EPHA6: variants seen among roughly 807,000 people sequenced by gnomAD.
EPHA6 encodes the protein ephrin type-A receptor 6.
EPHA6 carries 50 observed loss-of-function variants against 112.0 expected under a neutral mutation model. The ratio of observed to expected loss-of-function variants is 0.45; its 90% confidence interval spans 0.36 to 0.56. The LOEUF is 0.56. Among genes scored for constraint, EPHA6 ranks in the 20% least tolerant of loss-of-function variants. EPHA6 has a pLI of 0.00. For missense variants in EPHA6, 1,280 were observed against 1,417.4 expected (o/e 0.90, Z 1.56); for synonymous variants, 529 against 490.7 (o/e 1.08, Z -1.03).
intron 2 of EPHA6, among the ~76,000 whole-genome samples, chr3:96,941,336 C>T (rs188863263): frequency 6.6e-5 from 10 of 152,244 alleles, no homozygotes; most frequent in Non-Finnish European, 1.3e-4. Flanking sequence ...CTTCTCGCTT[C>T]ATTTCATTCA....
At chr3:97,036,103 T>G (rs2045082839) in intron 3 of EPHA6, among the ~76,000 whole-genome samples, 1 of 152,150 alleles carries the variant, frequency 6.6e-6, no homozygotes. Flanking sequence ...TGCCTCGATC[T>G]TGTGCTTCTC....
intron 5 of EPHA6, among the ~76,000 whole-genome samples, chr3:97,399,516 T>G (rs2086868946): frequency 6.6e-6 from 1 of 151,644 alleles, no homozygotes. Flanking sequence ...CTCCATACTA[T>G]TTTTCATAAT....
intron 11 of EPHA6, among the ~76,000 whole-genome samples, chr3:97,538,843 A>G (rs1291951143): frequency 6.6e-6 from 1 of 152,192 alleles, no homozygotes; most frequent in Non-Finnish European, 1.5e-5. Context: ...CACTGCAATC[A>G]GATTCAAAGA....
chr3:97,468,885 C>T (rs1170119701), intron 7 of EPHA6, among the ~76,000 whole-genome samples: 1 of 151,608 alleles, frequency 6.6e-6, no homozygotes, highest in Non-Finnish European at 1.5e-5. Context: ...ACATATTATT[C>T]TGCCCTCAAG....
At chr3:96,822,318 T>C (rs2033323211) in intron 1 of EPHA6, among the ~76,000 whole-genome samples, 3 of 151,926 alleles carry the variant, frequency 2.0e-5, no homozygotes, top group Admixed American at 6.6e-5. Context: ...ATGCTAAGTT[T>C]CCAATTTCAA....
chr3:97,233,760 G>T (rs192560470), intron 4 of EPHA6, among the ~76,000 whole-genome samples: 29 of 152,170 alleles, frequency 1.9e-4, no homozygotes, highest in Non-Finnish European at 2.9e-4. Context: ...GGTGTCAGGG[G>T]TAGAGAGAAA....
Position 96,987,857 on chromosome 3 carries a change from A to G in EPHA6, c.978A>G (p.Val326=), listed in dbSNP as rs377661516. 341 of 1,613,856 alleles carry G rather than the reference A, an allele frequency of 2.1e-4. 5 individuals carry two copies. In the South Asian group the frequency reaches 3.1e-3, roughly 15 times the overall value. Residue 326 remains valine (V), a synonymous_variant, in exon 3 of 18, where the codon GTA becomes GTG. Transcript: ENST00000389672. ...PRVDSSSLVE[V]RGSCVKSAEE... is the part of the protein sequence containing the mutation. ...TTGATTCCTCCTCTTTGGTTGAAGT[A>G]CGGGGTTCTTGTGTGAAGAGTGCTG...
chr3:97,547,351 G>A (rs756044434), intron 11 of EPHA6, among the ~76,000 whole-genome samples: 12 of 152,176 alleles, frequency 7.9e-5, no homozygotes, highest in Admixed American at 2.6e-4. Flanking sequence ...GTCTCCCTGG[G>A]TTTCAGCAGC....
chr3:97,132,520 A>T (rs1234567291), intron 3 of EPHA6, among the ~76,000 whole-genome samples: 2 of 152,040 alleles, frequency 1.3e-5, no homozygotes, highest in East Asian at 3.9e-4. Flanking sequence ...ATGATATTTA[A>T]GGAGTTATTG....
intron 14 of EPHA6, among the ~76,000 whole-genome samples, chr3:97,679,923 T>G (rs2107679254): frequency 6.6e-6 from 1 of 152,310 alleles, no homozygotes; most frequent in African/African-American, 2.4e-5. Context: ...AACCTTTTGC[T>G]TGCCTTACAT....
chr3:96,896,131 T>C (rs780689271), intron 2 of EPHA6, among the ~76,000 whole-genome samples: 18 of 152,292 alleles, frequency 1.2e-4, no homozygotes, highest in African/African-American at 3.8e-4. Context: ...TTTCTAGTAT[T>C]TTTTGCTATC....
At chr3:97,470,514 A>G (rs1023437855) in intron 7 of EPHA6, among the ~76,000 whole-genome samples, 1 of 151,784 alleles carries the variant, frequency 6.6e-6, no homozygotes, top group Non-Finnish European at 1.5e-5. Flanking sequence ...GTAAATATAA[A>G]CTAGAATAAT....
chr3:97,610,688 T>G, intron 12 of EPHA6, 105 bp from the exon 13 acceptor site: 1 of 852,218 alleles, frequency 1.2e-6, no homozygotes, highest in Non-Finnish European at 1.9e-6. Context: ...AAATTCCTAT[T>G]AATAAAATAC....
At chr3:97,020,438 G>C (rs1169237945) in intron 3 of EPHA6, among the ~76,000 whole-genome samples, 1 of 152,214 alleles carries the variant, frequency 6.6e-6, no homozygotes, top group Non-Finnish European at 1.5e-5. Flanking sequence ...GGGCAGTCCA[G>C]TTTACAAAAT....
chr3:97,703,088 C>G (rs757939579), intron 14 of EPHA6, among the ~76,000 whole-genome samples: 5 of 152,068 alleles, frequency 3.3e-5, no homozygotes, highest in African/African-American at 4.8e-5. Context: ...AGCAGTCAGC[C>G]CTCGGGAAGC....
chr3:97,531,165 G>T (rs2092690991), intron 10 of EPHA6, among the ~76,000 whole-genome samples: 1 of 151,970 alleles, frequency 6.6e-6, no homozygotes, highest in Non-Finnish European at 1.5e-5. Context: ...TTATGGGAAT[G>T]AGAGATTATA....
At chr3:97,563,891 G>A (rs2093225818) in intron 11 of EPHA6, among the ~76,000 whole-genome samples, 1 of 152,082 alleles carries the variant, frequency 6.6e-6, no homozygotes, top group East Asian at 1.9e-4. Flanking sequence ...AGTATCAAGT[G>A]TTTAGAATCA....
chr3:97,430,052 C>A (rs1333712401), intron 6 of EPHA6, among the ~76,000 whole-genome samples: 2 of 152,018 alleles, frequency 1.3e-5, no homozygotes, highest in Non-Finnish European at 2.9e-5. Context: ...GGATATAAAA[C>A]CTTTATTTCT....
intron 3 of EPHA6, among the ~76,000 whole-genome samples, chr3:97,219,497 T>C (rs577493967): frequency 6.6e-6 from 1 of 152,326 alleles, no homozygotes; most frequent in African/African-American, 2.4e-5. Flanking sequence ...CTGCCAACGC[T>C]TGGGGATTGC....
Sources: allele counts gnomAD v4.1 joint callset (sites outside exome capture counted in the v4.1 genomes callset), GRCh38; gene constraint gnomAD v4.1.1; transcripts MANE v1.5; gene names NCBI Gene and HGNC (gene_info 2026-07-23, HGNC 2026-07-21).